The following NAV3 variants were observed in gnomAD, a reference collection of about 807,000 sequenced individuals.
NAV3 encodes neuron navigator 3.
A neutral mutation model predicts 244.7 loss-of-function variants in NAV3; 87 were observed. The observed-to-expected ratio is 0.36, with a 90% CI of 0.30 to 0.42. The LOEUF is 0.42. Ranked by LOEUF, NAV3 falls within the 20% of genes least tolerant of loss-of-function variation. NAV3 has a pLI of 1.00. For synonymous variants in NAV3, 1,126 were observed against 1,042.2 expected (o/e 1.08, Z -1.55); for missense variants, 2,663 against 2,893.3 (o/e 0.92, Z 1.83).
At chr12:78,012,955 A>G (rs572381123) in intron 8 of NAV3, among the ~76,000 whole-genome samples, 2 of 152,236 alleles carry the variant, frequency 1.3e-5, no homozygotes, top group South Asian at 4.1e-4. Context: ...AAATTGTTGA[A>G]TGAAACACTA....
intron 3 of NAV3, among the ~76,000 whole-genome samples, chr12:77,946,597 G>A (rs1041474392): frequency 6.6e-6 from 1 of 152,052 alleles, no homozygotes; most frequent in African/African-American, 2.4e-5. Flanking sequence ...TAATGTGGAT[G>A]GCACCTGTTG....
chr12:78,163,942 C>T (rs1957673644), intron 23 of NAV3, among the ~76,000 whole-genome samples: 1 of 152,170 alleles, frequency 6.6e-6, no homozygotes, highest in South Asian at 2.1e-4. Flanking sequence ...TTCTCACCAT[C>T]TAGAATGGTA....
chr12:77,755,509 G>GTGCCTTTCCT (rs1565800200), intron 2 of NAV3, among the ~76,000 whole-genome samples: 3 of 65,096 alleles, frequency 4.6e-5, no homozygotes, highest in African/African-American at 8.2e-5. Context: ...CTCCCTCCCT[G>GTGCCTTTCCT]TGCCTTTCCT....
At chr12:77,936,571 A>T (rs577089971) in intron 1 of NAV3, among the ~76,000 whole-genome samples, 1 of 152,198 alleles carries the variant, frequency 6.6e-6, no homozygotes, top group Non-Finnish European at 1.5e-5. Context: ...CACTAAAAAA[A>T]CTATAATTAA....
Position 78,006,508 on chromosome 12 carries a change from C to T in NAV3, c.970C>T (p.Pro324Ser), listed in dbSNP as rs2136557555. The stretch of plus-strand genomic sequence containing the variant: ...TGGGCAGCCTCCTGCCTCTGCCATC[C>T]CTTCTCCAAGTGCCAGCAAGCCCTG... Reference protein sequence around the residue: ...TAGQPPASAIPSPSASKPWRS... With the variant: ...TAGQPPASAISSPSASKPWRS... Residue 324 changes from proline (P) to serine (S), a missense_variant, in exon 8 of 40, where the codon CCT becomes TCT. By Grantham distance (74) the Pro-to-Ser change is moderately conservative. This residue lies in a region of NAV3 where 1,521 missense variants were observed against 1,497.0 expected (regional missense o/e 1.02). Transcript: ENST00000397909. The T allele has an allele frequency of 6.2e-7, 1 of 1,614,072 alleles. No individual in the cohort carries two copies. The highest frequency in any genetic ancestry group is 8.5e-7 in the Non-Finnish European group (1 of 1,180,030).
At chr12:77,573,110 G>A (rs1039515675) in intron 2 of NAV3, among the ~76,000 whole-genome samples, 4 of 152,150 alleles carry the variant, frequency 2.6e-5, no homozygotes, top group Admixed American at 2.6e-4. Context: ...GTGCTGGCAA[G>A]AAATGGGAGA....
intron 1 of NAV3, among the ~76,000 whole-genome samples, chr12:77,899,691 TC>T (rs1885031528): frequency 6.6e-6 from 1 of 152,190 alleles, no homozygotes; most frequent in South Asian, 2.1e-4. Context: ...GTGCAATATC[TC>T]CAAGGTGTTC....
intron 2 of NAV3, among the ~76,000 whole-genome samples, chr12:77,653,445 A>G (rs1221624892): frequency 6.6e-6 from 1 of 152,232 alleles, no homozygotes. Flanking sequence ...AAAATTATGC[A>G]TATATTTTAA....
intron 2 of NAV3, among the ~76,000 whole-genome samples, chr12:77,778,750 T>C (rs896047177): frequency 6.6e-6 from 1 of 151,982 alleles, no homozygotes; most frequent in South Asian, 2.1e-4. Context: ...AAGGGAAGAG[T>C]TGTCAATCCT....
intron 2 of NAV3, among the ~76,000 whole-genome samples, chr12:77,752,161 A>C (rs1057447941): frequency 5.3e-5 from 8 of 152,158 alleles, no homozygotes; most frequent in Non-Finnish European, 1.0e-4. Flanking sequence ...CTTTGAGGCT[A>C]TCTTTTCTTA....
At chr12:77,921,179 TG>T (rs1382478859) in intron 1 of NAV3, among the ~76,000 whole-genome samples, 2 of 152,042 alleles carry the variant, frequency 1.3e-5, no homozygotes, top group Non-Finnish European at 2.9e-5. Context: ...AAACGTCTTT[TG>T]GTCATCATAA....
chr12:78,018,143 A>G (rs1181976427), intron 8 of NAV3, among the ~76,000 whole-genome samples: 1 of 152,150 alleles, frequency 6.6e-6, no homozygotes, highest in Non-Finnish European at 1.5e-5. Flanking sequence ...TTTGATGAGA[A>G]ATACACCAGA....
At chr12:77,917,880 C>T (rs1887313712) in intron 1 of NAV3, among the ~76,000 whole-genome samples, 1 of 151,994 alleles carries the variant, frequency 6.6e-6, no homozygotes, top group Non-Finnish European at 1.5e-5. Context: ...TAGACGCTGA[C>T]TCATACAGTG....
At chr12:77,664,406 A>G (rs1395496116) in intron 2 of NAV3, among the ~76,000 whole-genome samples, 1 of 152,204 alleles carries the variant, frequency 6.6e-6, no homozygotes, top group East Asian at 1.9e-4. Context: ...ATAGGTTGGT[A>G]TCCAGTGCTG....
intron 38 of NAV3, among the ~76,000 whole-genome samples, chr12:78,201,772 T>C (rs1267544361): frequency 6.6e-6 from 1 of 152,122 alleles, no homozygotes; most frequent in South Asian, 2.1e-4. Context: ...TTTTTACAAC[T>C]ACTATTAGAA....
Position 78,199,746 on chromosome 12 carries a change from C to T in NAV3, c.6715+215C>T, listed in dbSNP as rs374270899. ...CAGTTATGTTTTACTAAAATATTAC[C>T]GAGATCAGATAAGTTCAATATGGGC... is the stretch of plus-strand genomic sequence containing the variant. On this transcript the variant is annotated intron_variant, in intron 37 of 39. Transcript: ENST00000397909. Among the ~76,000 whole-genome samples the T allele has an allele frequency of 3.3e-5, 5 of 151,490 alleles. No individual in the cohort carries two copies. In the East Asian group the frequency reaches 7.7e-4, roughly 23 times the overall value.
intron 3 of NAV3, among the ~76,000 whole-genome samples, chr12:77,947,778 A>G (rs751093286): frequency 1.7e-4 from 26 of 152,042 alleles, no homozygotes; most frequent in Non-Finnish European, 3.4e-4. Context: ...TACTAGTATC[A>G]GGGAATTTAT....
intron 20 of NAV3, chr12:78,144,935 AAAAAAAAAAAAAG>A (rs773220440): frequency 0.23 from 21,337 of 91,678 alleles, 2,344 homozygotes; most frequent in Admixed American, 0.37. Context: ...AAAAAAAAAA[AAAAAAAAAAAAAG>A]AAAGAAAGAA....
chr12:77,622,185 A>T (rs1871401016), intron 2 of NAV3, among the ~76,000 whole-genome samples: 1 of 135,136 alleles, frequency 7.4e-6, no homozygotes, highest in East Asian at 2.5e-4. Flanking sequence ...TTTGAGACAG[A>T]GTCTCACCCT....
Sources: gnomAD v4.1 joint callset for allele counts (sites outside exome capture counted in the v4.1 genomes callset) on GRCh38, gnomAD v4.1.1 for gene constraint, gnomAD v4.1.1 regional missense constraint, MANE v1.5 for transcripts, NCBI Gene and HGNC (gene_info 2026-07-23, HGNC 2026-07-21) for gene names.